GALNT17: variants seen among roughly 807,000 people sequenced by gnomAD.
The protein encoded by GALNT17 is polypeptide N-acetylgalactosaminyltransferase 17, also known as UDP-GalNAc:polypeptide N-acetylgalactosaminyltransferase-like 3.
GALNT17 carries 29 observed loss-of-function variants against 63.7 expected under a neutral mutation model. The observed-to-expected ratio is 0.46, with a 90% CI of 0.34 to 0.62. The LOEUF (loss-of-function observed/expected upper bound fraction) is 0.62. Ranked by LOEUF, GALNT17 falls within the 20% of genes least tolerant of loss-of-function variation. GALNT17 has a pLI of 0.01. For missense variants in GALNT17, 603 were observed against 799.6 expected (o/e 0.75, Z 2.97); for synonymous variants, 305 against 318.3 (o/e 0.96, Z 0.45).
intron 6 of GALNT17, among the ~76,000 whole-genome samples, chr7:71,620,647 G>A (rs1269736858): frequency 2.6e-5 from 4 of 152,156 alleles, no homozygotes; most frequent in East Asian, 1.9e-4. Flanking sequence ...GGGTTGATGT[G>A]ATCATTTAAT....
chr7:71,177,822 T>G (rs1788666184), intron 1 of GALNT17, among the ~76,000 whole-genome samples: 1 of 152,228 alleles, frequency 6.6e-6, no homozygotes, highest in Non-Finnish European at 1.5e-5. Context: ...AGACATTTAC[T>G]TTTATCAAGA....
intron 5 of GALNT17, among the ~76,000 whole-genome samples, chr7:71,433,985 T>A (rs1230594450): frequency 1.3e-5 from 2 of 152,172 alleles, no homozygotes; most frequent in South Asian, 4.1e-4. Context: ...TGGCTGAGTC[T>A]TCTGGCCTCC....
intron 1 of GALNT17, among the ~76,000 whole-genome samples, chr7:71,298,525 C>G (rs1791125570): frequency 6.6e-6 from 1 of 152,110 alleles, no homozygotes. Flanking sequence ...GGCATCTGCT[C>G]CTTTTTCTTT....
rs539603107 is a variant in GALNT17 at position 71,349,936 on chromosome 7, G to A, written c.422+14203G>A. Among the ~76,000 whole-genome samples, 47 of 152,258 alleles carry A rather than the reference G, an allele frequency of 3.1e-4. 1 individual carries two copies. The highest frequency in any genetic ancestry group is 1.5e-3 in the South Asian group (7 of 4,822). ...GCAGCCCCACTTTGCACATGGTTGCGCTTAGGCAATATTAGATAATCAGAA... is the reference window on the plus strand; with the variant it reads ...GCAGCCCCACTTTGCACATGGTTGCACTTAGGCAATATTAGATAATCAGAA... On this transcript the variant is annotated intron_variant, in intron 2 of 10. Coordinates refer to ENST00000333538, the MANE Select transcript of GALNT17 (RefSeq NM_022479.3).
At chr7:71,661,564 G>A (rs1244199726) in intron 6 of GALNT17, among the ~76,000 whole-genome samples, 16 of 152,202 alleles carry the variant, frequency 1.1e-4, no homozygotes, top group Admixed American at 1.0e-3. Flanking sequence ...AGTCACTGGA[G>A]GTGATGAGCT....
chr7:71,603,688 A>C (rs1406271812), intron 6 of GALNT17, among the ~76,000 whole-genome samples: 1 of 151,434 alleles, frequency 6.6e-6, no homozygotes, highest in Non-Finnish European at 1.5e-5. Flanking sequence ...ACTAACTACT[A>C]TGCTAAGTGC....
At chr7:71,204,564 C>A (rs1037302619) in intron 1 of GALNT17, among the ~76,000 whole-genome samples, 7 of 137,964 alleles carry the variant, frequency 5.1e-5, no homozygotes, top group Non-Finnish European at 1.1e-4. Context: ...TCTCTTTTTT[C>A]TTTTTCTTTT....
chr7:71,504,585 T>G (rs1009029161), intron 5 of GALNT17, among the ~76,000 whole-genome samples: 4 of 149,632 alleles, frequency 2.7e-5, no homozygotes, highest in Non-Finnish European at 5.9e-5. Flanking sequence ...TTTTGCAGTT[T>G]ATTTACATTT....
intron 4 of GALNT17, among the ~76,000 whole-genome samples, chr7:71,420,107 G>A (rs901223504): frequency 2.6e-5 from 4 of 152,070 alleles, no homozygotes; most frequent in African/African-American, 7.2e-5. Context: ...TCTCCTTCTC[G>A]AATATGGGAA....
chr7:71,704,795 C>T (rs1237926970), intron 9 of GALNT17, among the ~76,000 whole-genome samples: 2 of 152,050 alleles, frequency 1.3e-5, no homozygotes, highest in African/African-American at 2.4e-5. Context: ...GCAATGGTGC[C>T]GGGACACAGA....
At chr7:71,414,134 G>A (rs534503253) in intron 3 of GALNT17, among the ~76,000 whole-genome samples, 213 of 152,176 alleles carry the variant, frequency 1.4e-3, no homozygotes, top group African/African-American at 4.7e-3. Context: ...CCAGCTACTC[G>A]GGAGGCTGAG....
In GALNT17 at chr7:71,139,968, A is replaced by G. The variant is rs555861034; in HGVS notation, c.238+6928A>G. 9.8e-5 allele frequency among the ~76,000 whole-genome samples: 15 copies of G among 152,296 alleles called. No homozygotes were observed. The South Asian group carries it at 3.1e-3, about 32-fold the overall frequency. On this transcript the variant is annotated intron_variant, in intron 1 of 10. Transcript: ENST00000333538. ...GAGATCGCGCCCCTGCACTCCAGCC[A>G]GGGAGACAGAGCGAGACTCTGTCTT...
intron 6 of GALNT17, among the ~76,000 whole-genome samples, chr7:71,582,381 TGGCCAAC>T (rs1789648344): frequency 6.7e-6 from 1 of 148,902 alleles, no homozygotes; most frequent in Admixed American, 6.8e-5. Flanking sequence ...GAGATCATCC[TGGCCAAC>T]ATGGTGAAAC....
rs1376888711 is a variant in GALNT17, at chr7:71,665,720, C to G, written c.1266+124C>G. Reference sequence around the variant, plus strand: ...CTCATGCTTAGAAAAATTATGAATGCATTTCAAAGGGATTCACAGATGTCT... The same window carrying G: ...CTCATGCTTAGAAAAATTATGAATGGATTTCAAAGGGATTCACAGATGTCT... On this transcript the variant is annotated intron_variant, in intron 7 of 10. Coordinates refer to ENST00000333538, the MANE Select transcript of GALNT17 (RefSeq NM_022479.3). 5 of 1,106,880 alleles carry G rather than the reference C, an allele frequency of 4.5e-6. No individual in the cohort carries two copies. The South Asian group carries it at 4.8e-5, about 11-fold the overall frequency. 68.6% of individuals were successfully genotyped at this position (1,106,880 alleles called of 1,614,324 possible).
At chr7:71,334,916 G>T (rs2116084735) in intron 1 of GALNT17, among the ~76,000 whole-genome samples, 1 of 152,308 alleles carries the variant, frequency 6.6e-6, no homozygotes, top group Non-Finnish European at 1.5e-5. Context: ...CTGCAGTTTG[G>T]CAGTTATCTG....
At chr7:71,164,611 T>G (rs908333866) in intron 1 of GALNT17, among the ~76,000 whole-genome samples, 1 of 152,194 alleles carries the variant, frequency 6.6e-6, no homozygotes, top group African/African-American at 2.4e-5. Flanking sequence ...ACTTGCAACA[T>G]GTGGTTCTGT....
chr7:71,529,564 G>C (rs186741361), intron 5 of GALNT17, among the ~76,000 whole-genome samples: 9 of 152,322 alleles, frequency 5.9e-5, no homozygotes, highest in African/African-American at 2.2e-4. Flanking sequence ...CCACGTAGCC[G>C]TCCAGGTAAA....
intron 6 of GALNT17, among the ~76,000 whole-genome samples, chr7:71,582,957 C>T (rs1280149609): frequency 6.6e-6 from 1 of 152,016 alleles, no homozygotes; most frequent in African/African-American, 2.4e-5. Flanking sequence ...TCCCCAATAA[C>T]CTATGGAAAT....
Position 71,306,077 on chromosome 7 carries a change from G to A in GALNT17, c.239-29473G>A, listed in dbSNP as rs549229677. On this transcript the variant is annotated intron_variant, in intron 1 of 10. Coordinates refer to ENST00000333538, the MANE Select transcript of GALNT17 (RefSeq NM_022479.3). ...TTACTTAAAAATACTAAAATTAGGC[G>A]GGTGTGGTGGTGCGTGGCTGTAATC... Among the ~76,000 whole-genome samples, 6 of 152,206 alleles carry A rather than the reference G, an allele frequency of 3.9e-5. No individual in the cohort carries two copies. The East Asian group carries it at 1.2e-3, about 29-fold the overall frequency.
Sources: allele counts gnomAD v4.1 joint callset (sites outside exome capture counted in the v4.1 genomes callset), GRCh38; gene constraint gnomAD v4.1.1; transcripts MANE v1.5; gene names NCBI Gene and HGNC (gene_info 2026-07-23, HGNC 2026-07-21).